Variants in GRM5 observed in about 807,000 individuals in gnomAD.
GRM5 encodes glutamate metabotropic receptor 5.
GRM5 carries 19 observed loss-of-function variants against 83.1 expected under a neutral mutation model. The ratio of observed to expected loss-of-function variants is 0.23; its 90% CI spans 0.16 to 0.34. GRM5 has a LOEUF of 0.34. Among genes scored for constraint, GRM5 ranks in the 10% least tolerant of loss-of-function variants. The probability of loss-of-function intolerance (pLI) is 1.00; values close to 1 mark genes in which losing one functional copy is unlikely to be tolerated. For missense variants in GRM5, 1,160 were observed against 1,588.3 expected, an observed-to-expected ratio of 0.73 and a Z score of 4.58; for synonymous variants, 675 against 633.6, an observed-to-expected ratio of 1.07 and a Z score of -0.98.
At chr11:88,675,085 C>T (rs1385741608) in intron 3 of GRM5, among the ~76,000 whole-genome samples, 2 of 151,828 alleles carry the variant, frequency 1.3e-5, no homozygotes, top group African/African-American at 4.8e-5. Context: ...TTTTTGTTTT[C>T]ATTTTCCTAT....
intron 5 of GRM5, among the ~76,000 whole-genome samples, chr11:88,604,029 A>G (rs1183840268): frequency 6.6e-6 from 1 of 152,210 alleles, no homozygotes; most frequent in Non-Finnish European, 1.5e-5. Context: ...AAAAGTGTCT[A>G]TAAGTCTTAA....
chr11:89,056,761 G>A (rs940511944), intron 1 of GRM5, among the ~76,000 whole-genome samples: 2 of 152,212 alleles, frequency 1.3e-5, no homozygotes, highest in Admixed American at 6.5e-5. Flanking sequence ...TCACTAAAAA[G>A]TGGGTAAATG....
chr11:88,599,855 T>TA (rs1251893152), intron 5 of GRM5, among the ~76,000 whole-genome samples: 2 of 151,364 alleles, frequency 1.3e-5, no homozygotes, highest in African/African-American at 2.4e-5. Context: ...CTACTAAAAA[T>TA]AAAAAAAATT....
chr11:88,810,564 G>A (rs532521312), intron 3 of GRM5, among the ~76,000 whole-genome samples: 1 of 152,164 alleles, frequency 6.6e-6, no homozygotes, highest in South Asian at 2.1e-4. Flanking sequence ...GGAGCTGTTA[G>A]AGTAAGCATC....
chr11:88,801,287 A>AT (rs1200953951), intron 3 of GRM5, among the ~76,000 whole-genome samples: 1 of 152,090 alleles, frequency 6.6e-6, no homozygotes, highest in Non-Finnish European at 1.5e-5. Flanking sequence ...CAGATGTGAG[A>AT]TTTTTATTTG....
intron 2 of GRM5, among the ~76,000 whole-genome samples, chr11:88,995,636 G>T (rs1940163112): frequency 6.6e-6 from 1 of 150,798 alleles, no homozygotes; most frequent in Admixed American, 6.6e-5. Flanking sequence ...ATATATTCTT[G>T]GGCAAGGACA....
chr11:88,685,510 A>G (rs1479621252), intron 3 of GRM5, among the ~76,000 whole-genome samples: 1 of 152,232 alleles, frequency 6.6e-6, no homozygotes, highest in East Asian at 1.9e-4. Flanking sequence ...TTGCATAAGT[A>G]ACAAGGAGCC....
chr11:88,554,291 C>T (rs1942576548), intron 8 of GRM5, among the ~76,000 whole-genome samples: 1 of 152,120 alleles, frequency 6.6e-6, no homozygotes, highest in African/African-American at 2.4e-5. Flanking sequence ...CACCCCGCTT[C>T]CCTCTTGTAA....
intron 8 of GRM5, among the ~76,000 whole-genome samples, chr11:88,553,447 T>C (rs1942557283): frequency 6.6e-6 from 1 of 152,136 alleles, no homozygotes; most frequent in Non-Finnish European, 1.5e-5. Context: ...CTTTTCTGCA[T>C]TGTCATAATG....
intron 2 of GRM5, among the ~76,000 whole-genome samples, chr11:88,950,031 A>ATTTTT (rs58554674): frequency 1.4e-5 from 2 of 139,576 alleles, no homozygotes; most frequent in Non-Finnish European, 1.6e-5. Flanking sequence ...AGCCTGGCTA[A>ATTTTT]TTTTTTTTTT....
chr11:88,671,784 A>C (rs1940200206), intron 3 of GRM5, among the ~76,000 whole-genome samples: 1 of 152,072 alleles, frequency 6.6e-6, no homozygotes, highest in Non-Finnish European at 1.5e-5. Context: ...ACTTGGAATG[A>C]GCAAGCTGGA....
intron 7 of GRM5, among the ~76,000 whole-genome samples, chr11:88,584,114 A>T (rs1943265552): frequency 1.3e-5 from 2 of 152,088 alleles, no homozygotes; most frequent in South Asian, 4.1e-4. Context: ...TTTAAATTAT[A>T]AAATTTTTAA....
At chr11:88,583,029 A>G (rs1410443127) in intron 7 of GRM5, among the ~76,000 whole-genome samples, 2 of 152,168 alleles carry the variant, frequency 1.3e-5, no homozygotes, top group African/African-American at 4.8e-5. Flanking sequence ...GGATTAAAAA[A>G]GGTAATGCTT....
At chr11:88,715,031 G>GAATT (rs1339699736) in intron 3 of GRM5, among the ~76,000 whole-genome samples, 1 of 151,932 alleles carries the variant, frequency 6.6e-6, no homozygotes. Flanking sequence ...ATGGGGAAGG[G>GAATT]AATTAACATT....
intron 6 of GRM5, among the ~76,000 whole-genome samples, chr11:88,592,520 G>C (rs766559147): frequency 2.0e-5 from 3 of 152,130 alleles, no homozygotes; most frequent in Non-Finnish European, 2.9e-5. Context: ...AATAAAAGCA[G>C]TTGCATTTCC....
intron 2 of GRM5, among the ~76,000 whole-genome samples, chr11:89,026,750 C>T (rs1390008865): frequency 6.6e-6 from 1 of 152,196 alleles, no homozygotes; most frequent in Non-Finnish European, 1.5e-5. Flanking sequence ...ACATTAATCA[C>T]TCTTTCTTTA....
chr11:89,006,902 G>A (rs1327750954), intron 2 of GRM5, among the ~76,000 whole-genome samples: 6 of 152,050 alleles, frequency 3.9e-5, no homozygotes, highest in Non-Finnish European at 7.4e-5. Flanking sequence ...GGTTCACGCC[G>A]TTCTCCTGCC....
chr11:88,649,222 A>G (rs1385577682), intron 4 of GRM5, among the ~76,000 whole-genome samples: 1 of 139,376 alleles, frequency 7.2e-6, no homozygotes, highest in Non-Finnish European at 1.5e-5. Context: ...ATACACATAT[A>G]TGTATATATA....
intron 1 of GRM5, among the ~76,000 whole-genome samples, chr11:89,058,041 C>T (rs1941913644): frequency 6.6e-6 from 1 of 151,948 alleles, no homozygotes; most frequent in South Asian, 2.1e-4. Context: ...ATATTTGGCT[C>T]CAAAGCCCAA....
Sources: allele counts gnomAD v4.1 joint callset (sites outside exome capture counted in the v4.1 genomes callset), GRCh38; gene constraint gnomAD v4.1.1; transcripts MANE v1.5; gene names NCBI Gene and HGNC (gene_info 2026-07-23, HGNC 2026-07-21).